ARHGAP39: variants seen among roughly 807,000 people sequenced by gnomAD.
The protein encoded by ARHGAP39 is rho GTPase-activating protein 39.
ARHGAP39 carries 44 observed loss-of-function variants against 106.9 expected under a neutral mutation model. The observed-to-expected ratio is 0.41, with a 90% confidence interval of 0.32 to 0.53. ARHGAP39 has a LOEUF of 0.53. Among genes scored for constraint, ARHGAP39 ranks in the 20% least tolerant of loss-of-function variants. The pLI is 0.21. For missense variants in ARHGAP39, 1,496 were observed against 1,577.3 expected (o/e 0.95, Z 0.87); for synonymous variants, 768 against 693.2 (o/e 1.11, Z -1.69).
chr8:144,669,876 G>A (rs988011430), intron 1 of ARHGAP39, among the ~76,000 whole-genome samples: 2 of 152,230 alleles, frequency 1.3e-5, no homozygotes, highest in Non-Finnish European at 2.9e-5. Flanking sequence ...CACAAGTATT[G>A]TCAAGGATGT....
Position 144,548,504 on chromosome 8 carries a change from G to T in ARHGAP39, c.597-15C>A. On this transcript the variant is annotated splice_polypyrimidine_tract_variant and intron_variant, in intron 4 of 11. Coordinates refer to ENST00000377307, the MANE Select transcript of ARHGAP39 (RefSeq NM_025251.3). The surrounding 1 kb of genome is among the most constrained non-coding windows in gnomAD (Gnocchi z 7.4). The stretch of plus-strand genomic sequence containing the variant: ...GCGAGGAGGTCCTGCGTGGGGGGTG[G>T]ACGGGCACAGGTGACTGCCTGCCTG... 1 of 1,603,032 alleles carries T rather than the reference G, an allele frequency of 6.2e-7. No homozygotes were observed. The highest frequency in any genetic ancestry group is 8.5e-7 in the Non-Finnish European group (1 of 1,176,998).
At chr8:144,696,782 T>C in the ARHGAP39 span, among the ~76,000 whole-genome samples, 3 of 152,304 alleles carry the variant, frequency 2.0e-5, no homozygotes, top group Admixed American at 6.5e-5. Context: ...TCTTTAACTG[T>C]GTAAAACTAA....
intron 8 of ARHGAP39, among the ~76,000 whole-genome samples, chr8:144,533,589 T>C (rs1394326497): frequency 2.0e-5 from 3 of 152,144 alleles, no homozygotes; most frequent in Non-Finnish European, 2.9e-5. Flanking sequence ...TGGCTCCAAC[T>C]AGAGCTACGG....
intron 2 of ARHGAP39, among the ~76,000 whole-genome samples, chr8:144,588,022 A>G (rs1186337774): frequency 1.3e-5 from 2 of 152,212 alleles, no homozygotes; most frequent in East Asian, 1.9e-4. Flanking sequence ...GGAAATGCAG[A>G]GCTCGAGACA....
chr8:144,617,804 C>T (rs1362853195), intron 1 of ARHGAP39, among the ~76,000 whole-genome samples: 1 of 152,098 alleles, frequency 6.6e-6, no homozygotes, highest in Non-Finnish European at 1.5e-5. Flanking sequence ...TTTTTTGAGG[C>T]AGGGTCTTGC....
rs567132107 is a variant in ARHGAP39, at chr8:144,547,259, C to T, written c.1827G>A (p.Leu609=). Residue 609 remains leucine (L), a synonymous_variant, in exon 5 of 12, where the codon CTG becomes CTA. Transcript: ENST00000377307. The surrounding 1 kb of genome is among the most constrained non-coding windows in gnomAD (Gnocchi z 5.2). ...TCCAGTGCCTGTTCTCCTGCTGGGCCAGCGCCTCGTCCTCGCTGAAGGCCC... is the reference window on the plus strand; with the variant it reads ...TCCAGTGCCTGTTCTCCTGCTGGGCTAGCGCCTCGTCCTCGCTGAAGGCCC... ...VVRAFSEDEA[L]AQQENRHWRR... is the part of the protein sequence containing the mutation. 24 of 1,612,522 alleles carry T rather than the reference C, an allele frequency of 1.5e-5. No homozygotes were observed. The highest frequency in any genetic ancestry group is 2.0e-5 in the Non-Finnish European group (24 of 1,179,780).
rs972888852 is a variant in ARHGAP39, at chr8:144,684,772, G to T, written c.-82+914C>A. Among the ~76,000 whole-genome samples, 10 of 152,334 alleles carry T rather than the reference G, an allele frequency of 6.6e-5. No individual in the cohort carries two copies. The highest frequency in any genetic ancestry group is 3.4e-3 in the Middle Eastern group (1 of 292). Reference sequence around the variant, plus strand: ...GCAACCGAGGGAATTCCAGCTCGGGGGGCAACCGGGAGGGGAAGGCTCCGA... The same window carrying T: ...GCAACCGAGGGAATTCCAGCTCGGGTGGCAACCGGGAGGGGAAGGCTCCGA... On this transcript the variant is annotated intron_variant, in intron 1 of 11. Transcript: ENST00000377307. The surrounding 1 kb of genome is among the most constrained non-coding windows in gnomAD (Gnocchi z 4.4).
In ARHGAP39 at chr8:144,605,706, G is replaced by A; in HGVS notation, c.-81-11C>T. 1 of 1,297,640 alleles carries A rather than the reference G, an allele frequency of 7.7e-7. No individual in the cohort carries two copies. Among genetic ancestry groups the A allele is most frequent in the Middle Eastern group, 2.0e-4 (1 of 4,958 alleles). The allele number at this position is 1,297,640 out of a possible 1,614,324, so 80.4% of individuals were successfully genotyped here. The stretch of plus-strand genomic sequence containing the variant: ...CGGGAAGGTGCCGCACTGCAAGAGG[G>A]GAGAAGCAACAGTGCTGATATGGAA... On this transcript the variant is annotated splice_polypyrimidine_tract_variant and intron_variant, in intron 1 of 11. Transcript: ENST00000377307.
chr8:144,578,188 T>C (rs1586572357), intron 3 of ARHGAP39, among the ~76,000 whole-genome samples: 1 of 152,188 alleles, frequency 6.6e-6, no homozygotes, highest in African/African-American at 2.4e-5. Context: ...TGCAAATCAA[T>C]TGAGAGGCCA....
intron 1 of ARHGAP39, among the ~76,000 whole-genome samples, chr8:144,627,649 T>C (rs1239548082): frequency 6.6e-6 from 1 of 151,872 alleles, no homozygotes; most frequent in African/African-American, 2.4e-5. Context: ...TCCCAGCACT[T>C]TGGGAGGCTG....
chr8:144,617,223 A>G (rs1313440706), intron 1 of ARHGAP39, among the ~76,000 whole-genome samples: 1 of 151,730 alleles, frequency 6.6e-6, no homozygotes, highest in Non-Finnish European at 1.5e-5. Flanking sequence ...AAAAAACACC[A>G]AAAAAACAAA....
Position 144,647,506 on chromosome 8 carries a change from G to A in ARHGAP39, c.-82+38180C>T, listed in dbSNP as rs905518827. The stretch of plus-strand genomic sequence containing the variant: ...GAAAGGCTATCGGCAGCCTGCAGCC[G>A]CCCACCCTGCTGCCCACACTGCCCT... On this transcript the variant is annotated intron_variant, in intron 1 of 11. Transcript: ENST00000377307. The surrounding 1 kb of genome is among the most constrained non-coding windows in gnomAD (Gnocchi z 4.8). Among the ~76,000 whole-genome samples, 8 of 152,198 alleles carry A rather than the reference G, an allele frequency of 5.3e-5. No homozygotes were observed. Among genetic ancestry groups the A allele is most frequent in the South Asian group, 2.1e-4 (1 of 4,828 alleles).
At position 144,530,600 on chromosome 8, in the gene ARHGAP39, G is replaced by A; in HGVS notation, c.3167C>T (p.Ala1056Val). The A allele has an allele frequency of 1.2e-6, 2 of 1,608,600 alleles. No homozygotes were observed. The highest frequency in any genetic ancestry group is 1.7e-6 in the Non-Finnish European group (2 of 1,177,974). ...IRFLQVFVQPANVAVTKMDVS... is the reference protein window; with the variant it reads ...IRFLQVFVQPVNVAVTKMDVS... Reference sequence around the variant, plus strand: ...ATCCATCTTGGTGACCGCGACGTTGGCCGGCTGCACGAAGACCTGGTGGAG... The same window carrying A: ...ATCCATCTTGGTGACCGCGACGTTGACCGGCTGCACGAAGACCTGGTGGAG... The change falls in exon 12 of 12, where the codon GCC becomes GTC. Residue 1056 changes from alanine to valine, a missense_variant. Coordinates refer to ENST00000377307, the MANE Select transcript of ARHGAP39 (RefSeq NM_025251.3).
upstream of ARHGAP39, among the ~76,000 whole-genome samples, chr8:144,689,426 CTTTTTTTT>C (rs71320837): frequency 4.4e-5 from 3 of 67,554 alleles, no homozygotes; most frequent in Admixed American, 2.0e-4. Context: ...TCTTAACCAT[CTTTTTTTT>C]TTTTTTTTTT....
At chr8:144,618,299 G>C (rs1586618120) in intron 1 of ARHGAP39, among the ~76,000 whole-genome samples, 1 of 152,212 alleles carries the variant, frequency 6.6e-6, no homozygotes, top group East Asian at 1.9e-4. Context: ...GGCAGGGCTG[G>C]TGCTGAGGGG....
chr8:144,538,193 A>G (rs1052168615), intron 6 of ARHGAP39, among the ~76,000 whole-genome samples: 1 of 152,250 alleles, frequency 6.6e-6, no homozygotes, highest in African/African-American at 2.4e-5. Flanking sequence ...TGCCGGTCAG[A>G]AAACCAACAG....
At chr8:144,577,745 A>G (rs905563686) in intron 3 of ARHGAP39, among the ~76,000 whole-genome samples, 5 of 152,118 alleles carry the variant, frequency 3.3e-5, no homozygotes, top group Admixed American at 2.0e-4. Context: ...CAATCCAGAA[A>G]CAAACAAACA....
Position 144,671,607 on chromosome 8 carries a change from T to G in ARHGAP39, c.-82+14079A>C, listed in dbSNP as rs1248414437. The stretch of plus-strand genomic sequence containing the variant: ...TCCCTCCCGCCTGAGGCTCTTTCTG[T>G]GCCTGGTGAATAGCCCAAGGCTCAG... On this transcript the variant is annotated intron_variant, in intron 1 of 11. Coordinates refer to ENST00000377307, the MANE Select transcript of ARHGAP39 (RefSeq NM_025251.3). The surrounding 1 kb of genome is among the most constrained non-coding windows in gnomAD (Gnocchi z 4.5). Among the ~76,000 whole-genome samples, 1 of 152,230 alleles carries G rather than the reference T, an allele frequency of 6.6e-6. No homozygotes were observed. The highest frequency in any genetic ancestry group is 1.9e-4 in the East Asian group (1 of 5,194).
chr8:144,548,026 G>T lies in ARHGAP39; in HGVS notation c.1060C>A (p.Arg354=). 1 of 1,607,106 alleles carries T rather than the reference G, an allele frequency of 6.2e-7. No individual in the cohort carries two copies. The highest frequency in any genetic ancestry group is 8.5e-7 in the Non-Finnish European group (1 of 1,177,924). Residue 354 remains arginine, a synonymous_variant, in exon 5 of 12, where the codon CGG becomes AGG. Transcript: ENST00000377307. This position sits in a 1 kb window ranked among gnomAD's most constrained non-coding sequence, Gnocchi z 7.4. ...TGCTTGTTGGGCTGGAGGAACGGCC[G>T]GGGCTTACGGCCCGGCGACCGCTGG... The part of the protein sequence containing the change: ...SPQRSPGRKP[R]PFLQPNKQGP...
Sources: allele counts gnomAD v4.1 joint callset (sites outside exome capture counted in the v4.1 genomes callset), GRCh38; gene constraint gnomAD v4.1.1; non-coding constraint Gnocchi (gnomAD v3.1); transcripts MANE v1.5; gene names NCBI Gene and HGNC (gene_info 2026-07-23, HGNC 2026-07-21).